Variants in RANBP2 observed in about 807,000 individuals in gnomAD.
RANBP2 encodes RAN binding protein 2.
Under a neutral mutation model 303.6 loss-of-function variants are expected in RANBP2, and 57 were observed. The observed-to-expected ratio is 0.19, with a 90% CI of 0.15 to 0.23. The LOEUF (loss-of-function observed/expected upper bound fraction) is 0.23, where lower values mean the gene tolerates loss of function less well. Among genes scored for constraint, RANBP2 ranks in the 10% least tolerant of loss-of-function variants. The pLI, the probability that RANBP2 is intolerant of heterozygous loss-of-function variation, is 1.00. For synonymous variants in RANBP2, 1,167 were observed against 1,301.5 expected, an observed-to-expected ratio of 0.90 and a Z score of 2.23; for missense variants, 3,138 against 3,780.8, an observed-to-expected ratio of 0.83 and a Z score of 4.46.
chr2:109,630,761 G>A, the RANBP2 span, among the ~76,000 whole-genome samples: 1 of 152,170 alleles, frequency 6.6e-6, no homozygotes, highest in East Asian at 1.9e-4. Context: ...GATAGTATGA[G>A]TATAGAAAGT....
At chr2:109,384,716 T>A in the RANBP2 span, among the ~76,000 whole-genome samples, 1 of 152,134 alleles carries the variant, frequency 6.6e-6, no homozygotes, top group African/African-American at 2.4e-5. Context: ...AGGTGAACTT[T>A]GATAGTGTAA....
chr2:109,281,399 G>A, the RANBP2 span, among the ~76,000 whole-genome samples: 1 of 152,214 alleles, frequency 6.6e-6, no homozygotes, highest in Non-Finnish European at 1.5e-5. Context: ...TAGCTCTGCC[G>A]ATGTGACAGT....
At chr2:108,772,466 C>A (rs200821232) in intron 21 of RANBP2, 23 bp from the exon 22 acceptor site, 31 of 1,594,578 alleles carry the variant, frequency 1.9e-5, no homozygotes, top group South Asian at 4.4e-5. Flanking sequence ...ACTAGAAATT[C>A]TTTTAATCAA....
intron 14 of RANBP2, 82 bp downstream of exon 14, chr2:108,753,645 G>T: frequency 6.3e-7 from 1 of 1,590,702 alleles, no homozygotes; most frequent in East Asian, 2.3e-5. Context: ...TCTGTTGGTC[G>T]GGCTAGAGTG....
At chr2:109,673,670 C>T in the RANBP2 span, among the ~76,000 whole-genome samples, 1 of 151,970 alleles carries the variant, frequency 6.6e-6, no homozygotes, top group African/African-American at 2.4e-5. Flanking sequence ...TCGAGACGAG[C>T]CTGGCCAACA....
Position 108,764,394 on chromosome 2 carries a change from C to A in RANBP2, c.3855C>A (p.Phe1285Leu). The A allele has an allele frequency of 6.2e-7, 1 of 1,613,924 alleles. No individual in the cohort carries two copies. Among genetic ancestry groups the A allele is most frequent in the Non-Finnish European group, 8.5e-7 (1 of 1,179,948 alleles). The change falls in exon 20 of 29, where the codon TTC becomes TTA. Residue 1285 changes from phenylalanine (F) to leucine (L), a missense_variant. This residue lies in a region of RANBP2 where 72 missense variants were observed against 119.5 expected (regional missense o/e 0.60). Coordinates refer to ENST00000283195, the MANE Select transcript of RANBP2 (RefSeq NM_006267.5). ...LPKPEQLAIR[F>L]KTPEEAALFK... ...AACCAGAACAACTTGCTATTAGGTT[C>A]AAAACTCCTGAGGAAGCAGCACTTT...
chr2:109,131,997 T>A, the RANBP2 span, among the ~76,000 whole-genome samples: 4 of 152,240 alleles, frequency 2.6e-5, no homozygotes, highest in African/African-American at 9.6e-5. Context: ...TGTAATAGCA[T>A]ATCAGGCATT....
At chr2:108,880,224 C>CA in the RANBP2 span, among the ~76,000 whole-genome samples, 10,934 of 50,260 alleles carry the variant, frequency 0.22, 472 homozygotes, top group Non-Finnish European at 0.25. Context: ...CAAAAACAAA[C>CA]AAAAAAAAAA....
the RANBP2 span, among the ~76,000 whole-genome samples, chr2:109,537,862 T>G: frequency 1.3e-5 from 2 of 152,086 alleles, no homozygotes; most frequent in African/African-American, 4.8e-5. Context: ...GTGAGAGGAT[T>G]GCTTGAGCCC....
the RANBP2 span, among the ~76,000 whole-genome samples, chr2:109,294,963 G>T: frequency 6.6e-6 from 1 of 152,234 alleles, no homozygotes; most frequent in Non-Finnish European, 1.5e-5. Context: ...TCTTTCAGCC[G>T]ATGTTCATTC....
At chr2:109,524,022 G>T in the RANBP2 span, among the ~76,000 whole-genome samples, 1 of 152,178 alleles carries the variant, frequency 6.6e-6, no homozygotes, top group Non-Finnish European at 1.5e-5. Flanking sequence ...GCCACCTCCT[G>T]CCTTCCCCGA....
chr2:108,740,705 A>C (rs968640141), intron 7 of RANBP2, 24 bp downstream of exon 7: 6 of 1,597,340 alleles, frequency 3.8e-6, no homozygotes, highest in Non-Finnish European at 5.1e-6. Flanking sequence ...TTGTAGGAGC[A>C]ATTGACATTT....
intron 23 of RANBP2, among the ~76,000 whole-genome samples, chr2:108,773,554 T>C (rs1447629056): frequency 6.6e-6 from 1 of 152,130 alleles, no homozygotes; most frequent in Non-Finnish European, 1.5e-5. Context: ...TATATACTGT[T>C]TATGGATTGG....
At chr2:109,187,026 C>T in the RANBP2 span, among the ~76,000 whole-genome samples, 7 of 149,896 alleles carry the variant, frequency 4.7e-5, no homozygotes, top group African/African-American at 1.7e-4. Flanking sequence ...CTAGCCCTGG[C>T]ACCCCACCCC....
the RANBP2 span, among the ~76,000 whole-genome samples, chr2:109,349,019 TTCTC>T: frequency 1.3e-5 from 2 of 150,860 alleles, no homozygotes; most frequent in South Asian, 2.1e-4. Context: ...GTGTCAGTAT[TTCTC>T]TCTCTCTCTC....
chr2:108,809,796 TTTTG>T, the RANBP2 span, among the ~76,000 whole-genome samples: 104,151 of 150,704 alleles, frequency 0.69, 37,156 homozygotes, highest in East Asian at 0.89. Context: ...CATTTCCAAT[TTTTG>T]TTTGTTTGTT....
the RANBP2 span, among the ~76,000 whole-genome samples, chr2:109,479,477 C>T: frequency 6.6e-6 from 1 of 152,130 alleles, no homozygotes; most frequent in Admixed American, 6.5e-5. Flanking sequence ...CGGTTTGGTA[C>T]TTTTTAATTA....
the RANBP2 span, among the ~76,000 whole-genome samples, chr2:109,515,205 G>A: frequency 1.3e-5 from 2 of 152,166 alleles, no homozygotes; most frequent in Non-Finnish European, 2.9e-5. Context: ...TAGACTAAAT[G>A]GAAACTCGGC....
At chr2:109,111,272 A>G in the RANBP2 span, among the ~76,000 whole-genome samples, 1 of 152,176 alleles carries the variant, frequency 6.6e-6, no homozygotes, top group Non-Finnish European at 1.5e-5. Context: ...TCGAAGCAGA[A>G]CTTGTATTTT....
Sources: gnomAD v4.1 joint callset for allele counts (sites outside exome capture counted in the v4.1 genomes callset) on GRCh38, gnomAD v4.1.1 for gene constraint, gnomAD v4.1.1 regional missense constraint, MANE v1.5 for transcripts, NCBI Gene and HGNC (gene_info 2026-07-23, HGNC 2026-07-21) for gene names.